Variants in PSD3 observed in about 807,000 individuals in gnomAD.
The protein encoded by PSD3 is PH and SEC7 domain-containing protein 3.
In PSD3, 49 loss-of-function variants were observed where a neutral mutation model predicts 105.5. That is an observed-to-expected ratio of 0.46 (90% CI 0.37 to 0.59). PSD3 has a LOEUF of 0.59. PSD3 is among the 20% of genes least tolerant of loss of function. The pLI is 0.00. For synonymous variants in PSD3, 557 were observed against 457.8 expected (o/e 1.22, Z -2.77); for missense variants, 1,561 against 1,263.8 (o/e 1.24, Z -3.57).
chr8:18,935,659 G>A (rs1417083510), intron 2 of PSD3, among the ~76,000 whole-genome samples: 2 of 150,034 alleles, frequency 1.3e-5, no homozygotes, highest in Admixed American at 1.3e-4. Flanking sequence ...TGATGCCACT[G>A]CATGCCAGCT....
At chr8:18,933,232 C>T (rs545732580) in intron 2 of PSD3, among the ~76,000 whole-genome samples, 2 of 152,276 alleles carry the variant, frequency 1.3e-5, no homozygotes, top group African/African-American at 2.4e-5. Context: ...TGGTTTGCCT[C>T]GGCTATGATA....
intron 1 of PSD3, among the ~76,000 whole-genome samples, chr8:19,060,773 C>G (rs1828870727): frequency 6.6e-6 from 1 of 152,148 alleles, no homozygotes; most frequent in Non-Finnish European, 1.5e-5. Flanking sequence ...TTATGATTCC[C>G]TCAATTATAA....
intron 4 of PSD3, among the ~76,000 whole-genome samples, chr8:18,847,342 GA>G (rs1815178749): frequency 6.6e-6 from 1 of 152,164 alleles, no homozygotes; most frequent in Non-Finnish European, 1.5e-5. Context: ...TTACTTCCAT[GA>G]AAGAACAATG....
chr8:18,823,602 C>T (rs949319516), intron 4 of PSD3, among the ~76,000 whole-genome samples: 3 of 152,114 alleles, frequency 2.0e-5, no homozygotes, highest in African/African-American at 4.8e-5. Flanking sequence ...CAAGAGATGA[C>T]GTTTCTACAC....
intron 8 of PSD3, among the ~76,000 whole-genome samples, chr8:18,782,332 AT>A: frequency 2.0e-5 from 3 of 151,472 alleles, no homozygotes; most frequent in Admixed American, 2.0e-4. Context: ...AGGGAAAGAC[AT>A]TTTTTTCTAT....
At chr8:18,991,907 T>A (rs1825826345) in intron 1 of PSD3, among the ~76,000 whole-genome samples, 1 of 152,188 alleles carries the variant, frequency 6.6e-6, no homozygotes, top group Non-Finnish European at 1.5e-5. Flanking sequence ...ACGATTTCCC[T>A]TAAATCATTC....
chr8:18,743,113 T>C (rs934160724), intron 9 of PSD3, among the ~76,000 whole-genome samples: 2 of 152,204 alleles, frequency 1.3e-5, no homozygotes, highest in Non-Finnish European at 2.9e-5. Context: ...CTTCTTCAAC[T>C]GTATTGCAGG....
intron 1 of PSD3, among the ~76,000 whole-genome samples, chr8:18,983,129 T>C (rs1314055739): frequency 6.6e-6 from 1 of 152,244 alleles, no homozygotes; most frequent in Non-Finnish European, 1.5e-5. Context: ...CTTTATGTTA[T>C]AAAGATGGCC....
chr8:18,724,277 A>T (rs1198182214), intron 9 of PSD3, among the ~76,000 whole-genome samples: 1 of 152,150 alleles, frequency 6.6e-6, no homozygotes, highest in Admixed American at 6.5e-5. Context: ...TATTGGGCAA[A>T]ACAAATAGCA....
chr8:18,808,687 T>A, intron 4 of PSD3: 2 of 1,600,230 alleles, frequency 1.2e-6, no homozygotes, highest in South Asian at 2.2e-5. Flanking sequence ...GGAGATTATT[T>A]GAACAAGAAC....
At chr8:18,936,321 T>C (rs747815197) in intron 1 of PSD3, among the ~76,000 whole-genome samples, 179 bp from the exon 2 acceptor site, 3 of 152,094 alleles carry the variant, frequency 2.0e-5, no homozygotes, top group Non-Finnish European at 2.9e-5. Context: ...ATACAAACTA[T>C]CACTGCATGA....
intron 9 of PSD3, among the ~76,000 whole-genome samples, chr8:18,685,875 G>C (rs762010301): frequency 3.9e-5 from 6 of 152,104 alleles, no homozygotes; most frequent in Non-Finnish European, 5.9e-5. Flanking sequence ...CCGTGTAAAA[G>C]ACATGAGCGC....
intron 10 of PSD3, among the ~76,000 whole-genome samples, chr8:18,645,864 G>T (rs1050482799): frequency 6.6e-6 from 1 of 152,064 alleles, no homozygotes; most frequent in African/African-American, 2.4e-5. Context: ...CAAATATCTC[G>T]TGCAAATAAT....
At position 18,547,847 on chromosome 8, in the gene PSD3, G is replaced by A. The variant is rs575105128; in HGVS notation, c.2928+8362C>T. 2.0e-5 allele frequency among the ~76,000 whole-genome samples: 3 copies of A among 152,166 alleles called. No individual in the cohort carries two copies. In the South Asian group the frequency reaches 6.2e-4, roughly 32 times the overall value. ...GATATTCATATCTTTCTCTAGATTT[G>A]GGAAGTATTCAGTCTTTAAATAAGT... On this transcript the variant is annotated intron_variant, in intron 15 of 15. Coordinates refer to ENST00000327040, the MANE Select transcript of PSD3 (RefSeq NM_015310.4).
At chr8:19,056,708 C>T (rs1161075958) in intron 1 of PSD3, among the ~76,000 whole-genome samples, 1 of 152,158 alleles carries the variant, frequency 6.6e-6, no homozygotes, top group Non-Finnish European at 1.5e-5. Context: ...CTAAGTGAAC[C>T]CTGATTACAT....
chr8:18,932,417 G>C lies in PSD3; in HGVS notation c.130+3617C>G, dbSNP rs146635348. 9.4e-4 allele frequency among the ~76,000 whole-genome samples: 143 copies of C among 152,288 alleles called. 2 individuals are homozygous for C. The highest frequency in any genetic ancestry group is 3.3e-3 in the African/African-American group (138 of 41,566). On this transcript the variant is annotated intron_variant, in intron 2 of 15. Coordinates refer to ENST00000327040, the MANE Select transcript of PSD3 (RefSeq NM_015310.4). Reference sequence around the variant, plus strand: ...ACACAAACTCTAAAAAGCAAGTTTAGGACAATTTATGAAGTTCTACAATTC... The same window carrying C: ...ACACAAACTCTAAAAAGCAAGTTTACGACAATTTATGAAGTTCTACAATTC...
At chr8:18,768,951 G>C (rs1010455226) in intron 8 of PSD3, among the ~76,000 whole-genome samples, 1 of 152,206 alleles carries the variant, frequency 6.6e-6, no homozygotes, top group Non-Finnish European at 1.5e-5. Context: ...TAAATCTGCA[G>C]TTTAAAAATT....
intron 1 of PSD3, among the ~76,000 whole-genome samples, chr8:19,080,919 C>CA (rs1011187773): frequency 4.6e-5 from 7 of 151,272 alleles, no homozygotes; most frequent in Admixed American, 2.0e-4. Flanking sequence ...GAAGACCTAG[C>CA]AAAAAAAAAT....
chr8:18,808,864 G>C, intron 4 of PSD3: 1 of 1,602,040 alleles, frequency 6.2e-7, no homozygotes, highest in Non-Finnish European at 8.5e-7. Context: ...CAAGTTCAGT[G>C]ACTGCCGAGC....
Sources: gnomAD v4.1 joint callset for allele counts (sites outside exome capture counted in the v4.1 genomes callset) on GRCh38, gnomAD v4.1.1 for gene constraint, MANE v1.5 for transcripts, NCBI Gene and HGNC (gene_info 2026-07-23, HGNC 2026-07-21) for gene names.